THSD4: variants seen among roughly 807,000 people sequenced by gnomAD.
THSD4 encodes thrombospondin type 1 domain containing 4, also known as thrombospondin type-1 domain-containing protein 4.
Under a neutral mutation model 119.0 loss-of-function variants are expected in THSD4, and 69 were observed. That is an observed-to-expected ratio of 0.58 (90% CI 0.48 to 0.71). The LOEUF (loss-of-function observed/expected upper bound fraction) is 0.71, where lower values mean the gene tolerates loss of function less well. Among genes scored for constraint, THSD4 ranks in the 30% least tolerant of loss-of-function variants. The pLI is 0.00. For missense variants in THSD4, 1,393 were observed against 1,391.1 expected, an observed-to-expected ratio of 1.00 and a Z score of -0.02; for synonymous variants, 524 against 540.4, an observed-to-expected ratio of 0.97 and a Z score of 0.42.
chr15:71,344,092 G>A lies in THSD4; in HGVS notation c.1016-67595G>A, dbSNP rs183054823. 6.7e-3 allele frequency among the ~76,000 whole-genome samples: 983 copies of A among 146,172 alleles called. 8 individuals carry two copies. The highest frequency in any genetic ancestry group is 0.024 in the African/African-American group (941 of 39,368). On this transcript the variant is annotated intron_variant, in intron 6 of 17. Transcript: ENST00000261862. ...CTCGCTCTGTCGCCCAGGCTGGAGT[G>A]CAGTGGCGCGATCTCTGCTCACTGC...
chr15:71,732,126 A>T (rs1159499855), intron 10 of THSD4: 3 of 152,268 alleles, frequency 2.0e-5, no homozygotes, highest in Admixed American at 6.5e-5. Flanking sequence ...ATCCAGGATA[A>T]TCTCTCCTTC....
At chr15:71,389,608 A>G (rs1292906957) in intron 6 of THSD4, among the ~76,000 whole-genome samples, 1 of 152,082 alleles carries the variant, frequency 6.6e-6, no homozygotes, top group South Asian at 2.1e-4. Context: ...GAGCGTATTC[A>G]TATCTCTTCA....
At chr15:71,442,658 GTGTA>G (rs1347437312) in intron 7 of THSD4, among the ~76,000 whole-genome samples, 10 of 31,348 alleles carry the variant, frequency 3.2e-4, no homozygotes, top group Non-Finnish European at 6.9e-4. Flanking sequence ...GTGTGTGTGT[GTGTA>G]TATATATATA....
chr15:71,471,130 G>C (rs1227487741), intron 7 of THSD4, among the ~76,000 whole-genome samples: 1 of 152,102 alleles, frequency 6.6e-6, no homozygotes, highest in Non-Finnish European at 1.5e-5. Context: ...CCTGTGCTGT[G>C]GGCCTCAGGA....
At chr15:71,643,775 T>C (rs1163381251) in intron 7 of THSD4, among the ~76,000 whole-genome samples, 2 of 152,202 alleles carry the variant, frequency 1.3e-5, no homozygotes, top group Non-Finnish European at 2.9e-5. Flanking sequence ...TTGGATGCCT[T>C]AGCGTTTACT....
At chr15:71,274,890 T>C (rs1339376264) in intron 6 of THSD4, among the ~76,000 whole-genome samples, 1 of 152,148 alleles carries the variant, frequency 6.6e-6, no homozygotes, top group Non-Finnish European at 1.5e-5. Flanking sequence ...TATTTCAACA[T>C]CTAATGAGCA....
At chr15:71,235,726 C>T (rs2044099237) in intron 4 of THSD4, among the ~76,000 whole-genome samples, 1 of 151,916 alleles carries the variant, frequency 6.6e-6, no homozygotes, top group Non-Finnish European at 1.5e-5. Context: ...GTAGCTGGGA[C>T]CACAGGTGTG....
chr15:71,284,487 G>A (rs535187354), intron 6 of THSD4, among the ~76,000 whole-genome samples: 1 of 152,302 alleles, frequency 6.6e-6, no homozygotes, highest in South Asian at 2.1e-4. Flanking sequence ...AGGAATTTCG[G>A]TAGGTATTTC....
intron 8 of THSD4, among the ~76,000 whole-genome samples, chr15:71,674,060 A>T (rs776097057): frequency 6.6e-6 from 1 of 152,240 alleles, no homozygotes; most frequent in East Asian, 1.9e-4. Flanking sequence ...AAAAGTAGAC[A>T]TGCTTCTTCT....
chr15:71,531,283 A>G (rs999068261), intron 7 of THSD4, among the ~76,000 whole-genome samples: 4 of 152,178 alleles, frequency 2.6e-5, no homozygotes, highest in African/African-American at 7.2e-5. Flanking sequence ...CTGAAGTAAT[A>G]AAAGAATGAC....
chr15:71,612,133 C>T (rs1222226749), intron 7 of THSD4, among the ~76,000 whole-genome samples: 1 of 152,186 alleles, frequency 6.6e-6, no homozygotes, highest in Non-Finnish European at 1.5e-5. Context: ...ACTTGGGAAA[C>T]ACTAGCTGTG....
At chr15:71,666,287 G>A (rs2051415649) in intron 8 of THSD4, among the ~76,000 whole-genome samples, 1 of 151,938 alleles carries the variant, frequency 6.6e-6, no homozygotes, top group African/African-American at 2.4e-5. Flanking sequence ...GATTTTTTAA[G>A]CCCTCAATAT....
intron 7 of THSD4, among the ~76,000 whole-genome samples, chr15:71,638,893 C>A (rs1463190668): frequency 6.6e-6 from 1 of 152,086 alleles, no homozygotes; most frequent in African/African-American, 2.4e-5. Context: ...CAGCAAGGAC[C>A]CTGCTCATTA....
intron 6 of THSD4, among the ~76,000 whole-genome samples, chr15:71,320,125 C>G (rs1211736331): frequency 6.6e-6 from 1 of 152,170 alleles, no homozygotes; most frequent in Non-Finnish European, 1.5e-5. Context: ...CCTAGGTGAA[C>G]TTCTAGTTCC....
chr15:71,276,870 G>A (rs2044596278), intron 6 of THSD4, among the ~76,000 whole-genome samples: 1 of 152,198 alleles, frequency 6.6e-6, no homozygotes, highest in African/African-American at 2.4e-5. Flanking sequence ...ATGACCTTAG[G>A]ATGGGTGAAA....
intron 7 of THSD4, among the ~76,000 whole-genome samples, chr15:71,415,951 C>T (rs772710716): frequency 5.3e-5 from 8 of 152,148 alleles, no homozygotes; most frequent in Non-Finnish European, 8.8e-5. Flanking sequence ...CATGTGCCAA[C>T]ACACCTGGCT....
At chr15:71,263,346 T>TATAC (rs937302953) in intron 6 of THSD4, among the ~76,000 whole-genome samples, 1 of 150,764 alleles carries the variant, frequency 6.6e-6, no homozygotes, top group African/African-American at 2.4e-5. Flanking sequence ...TATATATATA[T>TATAC]ACGACATTTT....
chr15:71,441,810 T>C (rs1232509146), intron 7 of THSD4, among the ~76,000 whole-genome samples: 2 of 152,034 alleles, frequency 1.3e-5, no homozygotes, highest in Non-Finnish European at 2.9e-5. Context: ...TTTTCCACTT[T>C]AGTAAAGCGG....
intron 8 of THSD4, among the ~76,000 whole-genome samples, chr15:71,686,848 C>G (rs1180503780): frequency 6.6e-6 from 1 of 152,206 alleles, no homozygotes; most frequent in Admixed American, 6.5e-5. Flanking sequence ...TCCAATAAAA[C>G]TTTATTTACA....
Sources: gnomAD v4.1 joint callset for allele counts (sites outside exome capture counted in the v4.1 genomes callset) on GRCh38, gnomAD v4.1.1 for gene constraint, MANE v1.5 for transcripts, NCBI Gene and HGNC (gene_info 2026-07-23, HGNC 2026-07-21) for gene names.